Variants in SCHIP1 observed in about 807,000 individuals in gnomAD.
SCHIP1 encodes schwannomin-interacting protein 1.
SCHIP1 carries 8 observed loss-of-function variants against 29.7 expected under a neutral mutation model. The observed-to-expected ratio is 0.27, with a 90% CI of 0.16 to 0.49. The LOEUF (loss-of-function observed/expected upper bound fraction) is 0.49, where lower values mean the gene tolerates loss of function less well. SCHIP1 is among the 20% of genes least tolerant of loss of function. The pLI is 0.99. For synonymous variants in SCHIP1, 76 were observed against 94.9 expected (o/e 0.80, Z 1.16); for missense variants, 193 against 294.6 (o/e 0.66, Z 2.52).
the SCHIP1 span, among the ~76,000 whole-genome samples, chr3:159,347,038 T>G: frequency 1.3e-5 from 2 of 152,152 alleles, no homozygotes; most frequent in African/African-American, 4.8e-5. Context: ...TTCCGCAGCT[T>G]CACATCTCAC....
the SCHIP1 span, among the ~76,000 whole-genome samples, chr3:159,473,674 G>GAAAAAAAAAAAAAAAAAAAA: frequency 3.4e-4 from 28 of 81,444 alleles, no homozygotes; most frequent in Non-Finnish European, 3.4e-4. Context: ...ATGTAACTAC[G>GAAAAAAAAAAAAAAAAAAAA]AAAAAAAAAA....
At chr3:159,274,847 AT>A in the SCHIP1 span, 1 of 588,054 alleles carries the variant, frequency 1.7e-6, no homozygotes, top group Non-Finnish European at 2.1e-6. Flanking sequence ...AATAAAATAT[AT>A]TTTTATATAA....
chr3:159,574,329 A>T, the SCHIP1 span, among the ~76,000 whole-genome samples: 2 of 152,256 alleles, frequency 1.3e-5, no homozygotes, highest in East Asian at 3.9e-4. Flanking sequence ...TGTTGATGCT[A>T]TTCCTTTCTG....
chr3:159,429,246 C>T, the SCHIP1 span, among the ~76,000 whole-genome samples: 1 of 148,722 alleles, frequency 6.7e-6, no homozygotes, highest in Non-Finnish European at 1.5e-5. Flanking sequence ...AAGAATATGT[C>T]ATGGCAATAG....
At chr3:159,408,638 AT>A in the SCHIP1 span, among the ~76,000 whole-genome samples, 1 of 152,316 alleles carries the variant, frequency 6.6e-6, no homozygotes, top group East Asian at 1.9e-4. Context: ...GATCAAAGCC[AT>A]AATAAAAAGT....
chr3:159,573,153 T>A, the SCHIP1 span, among the ~76,000 whole-genome samples: 1 of 152,168 alleles, frequency 6.6e-6, no homozygotes, highest in Non-Finnish European at 1.5e-5. Context: ...ATCCTGTCAT[T>A]ATGATGTTAG....
chr3:159,658,823 C>G, the SCHIP1 span, among the ~76,000 whole-genome samples: 2 of 152,212 alleles, frequency 1.3e-5, no homozygotes, highest in Admixed American at 1.3e-4. Flanking sequence ...AATATTTCCC[C>G]CTACAATCCT....
At chr3:159,652,208 G>T in the SCHIP1 span, among the ~76,000 whole-genome samples, 1 of 152,090 alleles carries the variant, frequency 6.6e-6, no homozygotes, top group Admixed American at 6.5e-5. Flanking sequence ...ATTAGGATTT[G>T]TTAGAACACC....
At chr3:159,364,027 T>C in the SCHIP1 span, among the ~76,000 whole-genome samples, 2 of 152,224 alleles carry the variant, frequency 1.3e-5, no homozygotes, top group Non-Finnish European at 2.9e-5. Flanking sequence ...TCTCACAGTG[T>C]TGCACTTCTG....
the SCHIP1 span, among the ~76,000 whole-genome samples, chr3:159,345,955 A>T: frequency 1.2e-4 from 19 of 152,136 alleles, no homozygotes; most frequent in African/African-American, 4.1e-4. Flanking sequence ...GCACTTTGGG[A>T]GGCTGAAGGG....
At chr3:159,331,570 T>A in the SCHIP1 span, among the ~76,000 whole-genome samples, 4 of 152,130 alleles carry the variant, frequency 2.6e-5, no homozygotes, top group Non-Finnish European at 4.4e-5. Context: ...TCCTGGAGAA[T>A]GCGCTACAGT....
the SCHIP1 span, among the ~76,000 whole-genome samples, chr3:159,318,451 G>A: frequency 9.3e-4 from 141 of 152,332 alleles, no homozygotes; most frequent in Non-Finnish European, 1.8e-3. Flanking sequence ...CAGGTGCACT[G>A]CTCAAAGCTC....
the SCHIP1 span, among the ~76,000 whole-genome samples, chr3:159,394,073 G>A: frequency 6.6e-6 from 1 of 151,454 alleles, no homozygotes; most frequent in Non-Finnish European, 1.5e-5. Flanking sequence ...TCTCTTTGAA[G>A]CAATTGTGAA....
chr3:159,494,233 G>A, the SCHIP1 span, among the ~76,000 whole-genome samples: 7 of 151,920 alleles, frequency 4.6e-5, no homozygotes, highest in African/African-American at 1.7e-4. Context: ...GCTAGCAGAA[G>A]GCAAGAAATA....
At chr3:159,677,328 G>A in the SCHIP1 span, among the ~76,000 whole-genome samples, 1 of 152,206 alleles carries the variant, frequency 6.6e-6, no homozygotes, top group South Asian at 2.1e-4. Context: ...GAGGGGGGCT[G>A]TTGATGTTGA....
At chr3:159,765,129 C>T in the SCHIP1 span, 1 of 1,563,374 alleles carries the variant, frequency 6.4e-7, no homozygotes, top group Non-Finnish European at 8.7e-7. Flanking sequence ...CGAGGACCAA[C>T]TCCACCTCCG....
At chr3:159,758,372 C>T in the SCHIP1 span, among the ~76,000 whole-genome samples, 4 of 152,006 alleles carry the variant, frequency 2.6e-5, no homozygotes, top group Non-Finnish European at 5.9e-5. Context: ...AGGCTGGTCT[C>T]GAACTCCTGA....
intron 2 of SCHIP1, among the ~76,000 whole-genome samples, chr3:159,885,892 C>T (rs1021738282): frequency 1.3e-5 from 2 of 152,218 alleles, no homozygotes; most frequent in Non-Finnish European, 2.9e-5. Context: ...TCTTGATTGA[C>T]AGGACTGTAA....
chr3:159,612,925 T>C, the SCHIP1 span, among the ~76,000 whole-genome samples: 11 of 152,236 alleles, frequency 7.2e-5, no homozygotes, highest in African/African-American at 2.7e-4. Context: ...TTATTGTGTT[T>C]CTATAATTAT....
Sources: allele counts gnomAD v4.1 joint callset (sites outside exome capture counted in the v4.1 genomes callset), GRCh38; gene constraint gnomAD v4.1.1; transcripts MANE v1.5; gene names NCBI Gene and HGNC (gene_info 2026-07-23, HGNC 2026-07-21).